Variants in RNGTT observed in about 807,000 individuals in gnomAD.
RNGTT encodes the protein mRNA-capping enzyme.
RNGTT carries 33 observed loss-of-function variants against 79.3 expected under a neutral mutation model. That is an observed-to-expected ratio of 0.42 (90% CI 0.32 to 0.56). The LOEUF is 0.56. Among genes scored for constraint, RNGTT ranks in the 20% least tolerant of loss-of-function variants. RNGTT has a pLI of 0.17. For synonymous variants in RNGTT, 222 were observed against 235.9 expected (o/e 0.94, Z 0.54); for missense variants, 497 against 739.1 (o/e 0.67, Z 3.80).
intron 4 of RNGTT, among the ~76,000 whole-genome samples, chr6:88,927,114 G>C (rs1171730638): frequency 1.3e-5 from 2 of 152,136 alleles, no homozygotes; most frequent in Non-Finnish European, 2.9e-5. Context: ...AAATTAAAAT[G>C]AGATGAATAG....
At chr6:88,962,834 G>C (rs1348691786) in intron 1 of RNGTT, among the ~76,000 whole-genome samples, 1 of 152,068 alleles carries the variant, frequency 6.6e-6, no homozygotes, top group Non-Finnish European at 1.5e-5. Flanking sequence ...GGGAGGCTGA[G>C]GTGGGAGGAT....
At chr6:88,830,263 A>G (rs2127887995) in intron 11 of RNGTT, among the ~76,000 whole-genome samples, 1 of 152,350 alleles carries the variant, frequency 6.6e-6, no homozygotes, top group East Asian at 1.9e-4. Flanking sequence ...CTACATGGAA[A>G]CTGAACAACC....
At chr6:88,797,337 T>C (rs73754830) in intron 12 of RNGTT, among the ~76,000 whole-genome samples, 3,933 of 152,160 alleles carry the variant, frequency 0.026, 184 homozygotes, top group African/African-American at 0.088. Flanking sequence ...GCTCCATAAG[T>C]ATAAGGACCA....
At chr6:88,779,187 A>T (rs1167973062) in intron 12 of RNGTT, among the ~76,000 whole-genome samples, 2 of 152,250 alleles carry the variant, frequency 1.3e-5, no homozygotes, top group African/African-American at 4.8e-5. Flanking sequence ...AAGAGAGAAT[A>T]GGCCCAAGAA....
At chr6:88,847,905 C>A in intron 10 of RNGTT, among the ~76,000 whole-genome samples, 1 of 150,882 alleles carries the variant, frequency 6.6e-6, no homozygotes. Context: ...AGACAGAAAA[C>A]CAAATAGAAC....
chr6:88,771,118 T>C (rs1304918366), intron 12 of RNGTT, among the ~76,000 whole-genome samples: 1 of 151,642 alleles, frequency 6.6e-6, no homozygotes, highest in Non-Finnish European at 1.5e-5. Context: ...GTCAAAATTA[T>C]CCATTTAAAA....
chr6:88,902,530 G>A (rs1783506823), intron 6 of RNGTT, among the ~76,000 whole-genome samples: 1 of 150,930 alleles, frequency 6.6e-6, no homozygotes, highest in African/African-American at 2.4e-5. Flanking sequence ...TGACCCCAGG[G>A]ATCTAAAGCT....
At chr6:88,756,098 T>C (rs1240752854) in intron 13 of RNGTT, among the ~76,000 whole-genome samples, 1 of 151,092 alleles carries the variant, frequency 6.6e-6, no homozygotes, top group Non-Finnish European at 1.5e-5. Flanking sequence ...GAAAAGTTAA[T>C]AGACAGTTCA....
chr6:88,839,553 G>C (rs1781196216), intron 11 of RNGTT, among the ~76,000 whole-genome samples: 1 of 152,030 alleles, frequency 6.6e-6, no homozygotes, highest in Non-Finnish European at 1.5e-5. Context: ...CTGGATGACA[G>C]AGCAAGACTC....
intron 14 of RNGTT, among the ~76,000 whole-genome samples, chr6:88,617,310 A>G (rs1772268277): frequency 6.6e-6 from 1 of 152,162 alleles, no homozygotes; most frequent in African/African-American, 2.4e-5. Context: ...TACAAGTTTA[A>G]TAGTTTAAGG....
intron 4 of RNGTT, among the ~76,000 whole-genome samples, chr6:88,919,008 G>T (rs896016762): frequency 2.6e-5 from 4 of 152,006 alleles, no homozygotes; most frequent in Non-Finnish European, 5.9e-5. Context: ...TTCTTTATAT[G>T]CAAATACAAA....
chr6:88,908,238 T>A (rs2127944278), intron 4 of RNGTT, among the ~76,000 whole-genome samples: 1 of 151,920 alleles, frequency 6.6e-6, no homozygotes, highest in East Asian at 1.9e-4. Context: ...TGAAGAAAAA[T>A]ACTGATAAAT....
chr6:88,783,472 T>C (rs1030086955), intron 12 of RNGTT, among the ~76,000 whole-genome samples: 16 of 152,182 alleles, frequency 1.1e-4, no homozygotes, highest in African/African-American at 3.4e-4. Context: ...AGCTGGAATG[T>C]AGTGATTATT....
At chr6:88,726,467 A>G (rs1259334601) in intron 13 of RNGTT, among the ~76,000 whole-genome samples, 1 of 152,154 alleles carries the variant, frequency 6.6e-6, no homozygotes, top group Non-Finnish European at 1.5e-5. Flanking sequence ...CATTAGAAAA[A>G]GATGATTTAA....
In RNGTT at chr6:88,928,965, C is replaced by A; in HGVS notation, c.367+20G>T. The A allele has an allele frequency of 6.4e-7, 1 of 1,558,416 alleles. No individual in the cohort carries two copies. The highest frequency in any genetic ancestry group is 1.9e-5 in the Admixed American group (1 of 52,868). On this transcript the variant is annotated intron_variant, in intron 4 of 15. Coordinates refer to ENST00000369485, the MANE Select transcript of RNGTT (RefSeq NM_003800.5). ...TGCAAAATAAAATATTCAACAGTGG[C>A]AAAGTAAAGCCAAACATACCTATAA... is the stretch of plus-strand genomic sequence containing the variant.
intron 10 of RNGTT, among the ~76,000 whole-genome samples, chr6:88,848,341 C>T (rs1310174550): frequency 6.6e-6 from 1 of 151,944 alleles, no homozygotes; most frequent in Non-Finnish European, 1.5e-5. Flanking sequence ...AAACACTTCC[C>T]AGGTAATTAC....
At chr6:88,797,796 CAGA>C (rs1291723418) in intron 12 of RNGTT, among the ~76,000 whole-genome samples, 2 of 151,552 alleles carry the variant, frequency 1.3e-5, no homozygotes, top group Admixed American at 6.6e-5. Flanking sequence ...AATAGAATGA[CAGA>C]AGGAGAAAGG....
At chr6:88,890,654 T>A in intron 7 of RNGTT, 58 bp from the exon 8 acceptor site, 1 of 1,102,834 alleles carries the variant, frequency 9.1e-7, no homozygotes, top group Non-Finnish European at 1.3e-6. Context: ...GCAATACATG[T>A]CTTAAACCAA....
chr6:88,797,587 A>G (rs1779639412), intron 12 of RNGTT, among the ~76,000 whole-genome samples: 1 of 152,102 alleles, frequency 6.6e-6, no homozygotes, highest in African/African-American at 2.4e-5. Flanking sequence ...TAAAAAGTAA[A>G]CAGTTCTTTT....
Sources: gnomAD v4.1 joint callset for allele counts (sites outside exome capture counted in the v4.1 genomes callset) on GRCh38, gnomAD v4.1.1 for gene constraint, MANE v1.5 for transcripts, NCBI Gene and HGNC (gene_info 2026-07-23, HGNC 2026-07-21) for gene names.